The following UNC13B variants were observed in gnomAD, a reference collection of about 807,000 sequenced individuals.
UNC13B encodes the protein unc-13 homolog B.
UNC13B carries 144 observed loss-of-function variants against 211.0 expected under a neutral mutation model. The observed-to-expected ratio is 0.68, with a 90% CI of 0.60 to 0.78. The LOEUF (loss-of-function observed/expected upper bound fraction) is 0.78, where lower values mean the gene tolerates loss of function less well. Ranked by LOEUF, UNC13B falls within the 30% of genes least tolerant of loss-of-function variation. UNC13B has a pLI of 0.00. For missense variants in UNC13B, 1,777 were observed against 2,002.0 expected, an observed-to-expected ratio of 0.89 and a Z score of 2.14; for synonymous variants, 709 against 725.8, an observed-to-expected ratio of 0.98 and a Z score of 0.37.
chr9:35,186,881 T>C (rs1475176691), intron 1 of UNC13B, among the ~76,000 whole-genome samples: 1 of 152,150 alleles, frequency 6.6e-6, no homozygotes, highest in African/African-American at 2.4e-5. Context: ...TGCTTCCTTA[T>C]ATAAAAATTT....
intron 1 of UNC13B, among the ~76,000 whole-genome samples, chr9:35,166,794 T>G (rs1056806462): frequency 1.3e-5 from 2 of 152,252 alleles, no homozygotes; most frequent in Non-Finnish European, 2.9e-5. Context: ...AGGTAACTAC[T>G]GTTTACTGTC....
chr9:35,230,245 GTAGATCACT>G (rs992967481), intron 2 of UNC13B, among the ~76,000 whole-genome samples: 1 of 152,116 alleles, frequency 6.6e-6, no homozygotes, highest in African/African-American at 2.4e-5. Flanking sequence ...GCCAAGATGG[GTAGATCACT>G]TGAGGTCAGG....
rs142442316 is a variant in UNC13B at position 35,377,552 on chromosome 9, G to T, written c.9920G>T (p.Arg3307Leu). Residue 3307 changes from arginine (R) to leucine (L), a missense_variant, in exon 16 of 40, where the codon CGA (arginine) becomes CTA (leucine). By Grantham distance (102) the Arg-to-Leu change is moderately radical (BLOSUM62 -2). Coordinates refer to ENST00000635942, the MANE Select transcript of UNC13B (RefSeq NM_001371189.2). ...GCCATGAAGGACCGCATGAAGATCC[G>T]AGAGCGAAATAAGCCAGAGATCTTT... The part of the protein sequence containing the change: ...IMAMKDRMKI[R>L]ERNKPEIFEV... The T allele has an allele frequency of 6.2e-6, 10 of 1,614,252 alleles. No homozygotes were observed. Among genetic ancestry groups the T allele is most frequent in the Non-Finnish European group, 8.5e-6 (10 of 1,180,044 alleles).
chr9:35,171,094 C>T (rs1821308457), intron 1 of UNC13B, among the ~76,000 whole-genome samples: 1 of 152,052 alleles, frequency 6.6e-6, no homozygotes, highest in South Asian at 2.1e-4. Context: ...CAGGCATGAA[C>T]CACTGTGCCT....
At chr9:35,375,058 A>C in intron 13 of UNC13B, 69 bp from the exon 14 acceptor site, 1 of 1,552,840 alleles carries the variant, frequency 6.4e-7, no homozygotes, top group Non-Finnish European at 8.9e-7. Flanking sequence ...TTGGTCACTG[A>C]AGCTCCCTCC....
intron 16 of UNC13B, 39 bp downstream of exon 16, chr9:35,377,734 G>T (rs139674747): frequency 6.3e-7 from 1 of 1,593,132 alleles, no homozygotes; most frequent in South Asian, 1.1e-5. Context: ...GAAGGCCTGG[G>T]CTATGGGGAG....
chr9:35,239,776 T>C (rs916080562), intron 5 of UNC13B, among the ~76,000 whole-genome samples: 2 of 152,190 alleles, frequency 1.3e-5, no homozygotes, highest in Admixed American at 1.3e-4. Flanking sequence ...AGAAAAAGAA[T>C]TCAGCAATAT....
intron 11 of UNC13B, among the ~76,000 whole-genome samples, chr9:35,315,670 A>G (rs1830415757): frequency 1.3e-5 from 2 of 152,210 alleles, no homozygotes; most frequent in Non-Finnish European, 2.9e-5. Context: ...GACCCTATCC[A>G]TATTTTGCCA....
intron 11 of UNC13B, 65 bp from the exon 12 acceptor site, chr9:35,366,882 G>A: frequency 7.2e-7 from 1 of 1,389,576 alleles, no homozygotes; most frequent in Non-Finnish European, 1.0e-6. Flanking sequence ...ACTGCTCGCT[G>A]CTCAGATTAC....
At chr9:35,195,432 T>A (rs1335639724) in intron 1 of UNC13B, among the ~76,000 whole-genome samples, 1 of 152,158 alleles carries the variant, frequency 6.6e-6, no homozygotes, top group Non-Finnish European at 1.5e-5. Flanking sequence ...AAAACCAGTC[T>A]GTAACCCAAA....
At chr9:35,258,949 T>C in intron 6 of UNC13B, 44 bp from the exon 7 acceptor site, 1 of 1,590,258 alleles carries the variant, frequency 6.3e-7, no homozygotes, top group Non-Finnish European at 8.6e-7. Flanking sequence ...TTACTTGGGC[T>C]TCTGATTGTA....
At chr9:35,296,853 A>G (rs1829385447) in intron 8 of UNC13B, among the ~76,000 whole-genome samples, 1 of 152,178 alleles carries the variant, frequency 6.6e-6, no homozygotes, top group African/African-American at 2.4e-5. Context: ...TATCTTATAT[A>G]ACCTCAATAT....
At chr9:35,195,381 A>G (rs934621418) in intron 1 of UNC13B, among the ~76,000 whole-genome samples, 3 of 152,104 alleles carry the variant, frequency 2.0e-5, no homozygotes, top group African/African-American at 7.2e-5. Flanking sequence ...ACCAATGTAT[A>G]CTTAACATGT....
chr9:35,215,443 T>A (rs1308365608), intron 1 of UNC13B, among the ~76,000 whole-genome samples: 1 of 152,134 alleles, frequency 6.6e-6, no homozygotes, highest in Non-Finnish European at 1.5e-5. Context: ...ATAAAACTAC[T>A]ATAATTTTAA....
intron 1 of UNC13B, among the ~76,000 whole-genome samples, chr9:35,184,084 A>G (rs1174010442): frequency 1.3e-3 from 142 of 111,548 alleles, no homozygotes; most frequent in Middle Eastern, 6.8e-3. Flanking sequence ...TGGGCGGCCG[A>G]GCAGAGGCAC....
At chr9:35,369,535 T>C (rs7039948) in intron 12 of UNC13B, among the ~76,000 whole-genome samples, 12,387 of 152,260 alleles carry the variant, frequency 0.081, 1,710 homozygotes, top group African/African-American at 0.28. Context: ...ACAATAAAAT[T>C]AATCAGTATA....
rs1830000662 is a variant in UNC13B at position 35,307,830 on chromosome 9, G to A, written c.8426G>A (p.Ser2809Asn). Residue 2809 changes from serine (S) to asparagine (N), a missense_variant, in exon 9 of 40, where the codon AGT (serine) becomes AAT (asparagine). Coordinates refer to ENST00000635942, the MANE Select transcript of UNC13B (RefSeq NM_001371189.2). ...NRAAETGLMS[S>N]FKKLSTLFEG... ...GCAGCAGAGACTGGTTTAATGTCCAGTTTTAAGAAGTTGTCAACTCTATTT... is the reference window on the plus strand; with the variant it reads ...GCAGCAGAGACTGGTTTAATGTCCAATTTTAAGAAGTTGTCAACTCTATTT... 2.5e-6 allele frequency: 1 copy of A among 398,942 alleles called. No homozygotes were observed. Among genetic ancestry groups the A allele is most frequent in the Non-Finnish European group, 4.4e-6 (1 of 226,074 alleles). 24.7% of individuals were successfully genotyped at this position (398,942 alleles called of 1,614,324 possible).
rs186051312 is a variant in UNC13B, at chr9:35,235,039, G to A, written c.153-1430G>A. On this transcript the variant is annotated intron_variant, in intron 3 of 39. Transcript: ENST00000635942. ...CAAGTAACCTTGTGTTTCAATAAGAGCTTTCTGGAGAACGTTTTTAGCATT... is the reference window on the plus strand; with the variant it reads ...CAAGTAACCTTGTGTTTCAATAAGAACTTTCTGGAGAACGTTTTTAGCATT... Among the ~76,000 whole-genome samples, 3 of 152,242 alleles carry A rather than the reference G, an allele frequency of 2.0e-5. No individual in the cohort carries two copies. In the East Asian group the frequency reaches 5.8e-4, roughly 29 times the overall value.
At chr9:35,354,606 AT>A (rs1383476372) in intron 11 of UNC13B, among the ~76,000 whole-genome samples, 1 of 152,196 alleles carries the variant, frequency 6.6e-6, no homozygotes, top group Non-Finnish European at 1.5e-5. Context: ...TAGCTTTAAA[AT>A]TACTCTTCCC....
Sources: gnomAD v4.1 joint callset for allele counts (sites outside exome capture counted in the v4.1 genomes callset) on GRCh38, gnomAD v4.1.1 for gene constraint, MANE v1.5 for transcripts, NCBI Gene and HGNC (gene_info 2026-07-23, HGNC 2026-07-21) for gene names.